Variants in COL4A5 observed in about 807,000 individuals in gnomAD.
COL4A5 encodes the protein collagen alpha-5(IV) chain.
In COL4A5, 26 loss-of-function variants were observed where a neutral mutation model predicts 130.2. The observed-to-expected ratio is 0.20, with a 90% CI of 0.15 to 0.28. The LOEUF is 0.28. Ranked by LOEUF, COL4A5 falls within the 10% of genes least tolerant of loss-of-function variation. COL4A5 has a pLI of 1.00. For missense variants in COL4A5, 1,131 were observed against 1,344.3 expected (o/e 0.84, Z 2.48); for synonymous variants, 496 against 439.6 (o/e 1.13, Z -1.60).
intron 36 of COL4A5, among the ~76,000 whole-genome samples, chrX:108,645,700 A>T (rs1371566837): frequency 9.3e-6 from 1 of 107,575 alleles, no homozygotes; most frequent in East Asian, 2.9e-4. Context: ...ATTTAGCATT[A>T]GGTATATCTC....
intron 52 of COL4A5, 112 bp from the exon 53 acceptor site, chrX:108,696,185 C>T (rs1306579989): frequency 1.6e-6 from 1 of 614,029 alleles, no homozygotes; most frequent in Non-Finnish European, 2.8e-6. Flanking sequence ...ACCATTAAGT[C>T]ACCAAGAGAG....
chrX:108,482,290 C>T (rs1476031457), intron 1 of COL4A5, among the ~76,000 whole-genome samples: 1 of 111,470 alleles, frequency 9.0e-6, no homozygotes, highest in Non-Finnish European at 1.9e-5. Flanking sequence ...CTCTAGTGGC[C>T]GCTGGGACTT....
intron 1 of COL4A5, among the ~76,000 whole-genome samples, chrX:108,469,995 A>G (rs1238375914): frequency 8.9e-6 from 1 of 112,389 alleles, no homozygotes; most frequent in Non-Finnish European, 1.9e-5. Context: ...GTAGTGTTCC[A>G]TGGTGTATAT....
Position 108,466,878 on chromosome X carries a change from C to T in COL4A5, c.81+26672C>T, listed in dbSNP as rs753719520. Among the ~76,000 whole-genome samples the T allele has an allele frequency of 6.3e-5, 7 of 111,089 alleles. No individual in the cohort carries two copies. The East Asian group carries it at 1.7e-3, about 27-fold the overall frequency. On this transcript the variant is annotated intron_variant, in intron 1 of 52. Transcript: ENST00000328300. ...TTCCAGCCCTATTTTCAAGTTGGGC[C>T]GTTTATCTTTTTGTTGTTGAATTGT... is the stretch of plus-strand genomic sequence containing the variant.
chrX:108,637,581 A>T (rs975438697), intron 36 of COL4A5, among the ~76,000 whole-genome samples: 2 of 111,830 alleles, frequency 1.8e-5, no homozygotes, highest in African/African-American at 6.5e-5. Flanking sequence ...GAGAAGACTC[A>T]ACTAAAATCA....
chrX:108,696,622 C>CTACTAAAGAA lies in COL4A5; in HGVS notation c.*244_*245insTACTAAAGAA, dbSNP rs1415727679. 50 of 239,595 alleles carry CTACTAAAGAA rather than the reference C, an allele frequency of 2.1e-4. No homozygotes were observed. The highest frequency in any genetic ancestry group is 1.3e-3 in the Middle Eastern group (1 of 755). 19.7% of individuals were successfully genotyped at this position (239,595 alleles called of 1,213,427 possible). A position where few individuals can be genotyped will look rare whatever the true frequency, so the allele number is the denominator to read the frequency against. ...AGGAAGTGAATTTACTTTTTGGGTC[C>CTACTAAAGAA]AGAATGACTTTCTCCAAGAATTATA... On this transcript the variant is annotated 3_prime_UTR_variant, in exon 53 of 53. Coordinates refer to ENST00000328300, the MANE Select transcript of COL4A5 (RefSeq NM_033380.3).
chrX:108,481,456 G>A (rs765891701), intron 1 of COL4A5, among the ~76,000 whole-genome samples: 5 of 111,658 alleles, frequency 4.5e-5, no homozygotes, highest in African/African-American at 3.3e-5. Context: ...GCGATTCTCT[G>A]TTTTTATAAT....
At chrX:108,665,220 A>G (rs2068051912) in intron 37 of COL4A5, among the ~76,000 whole-genome samples, 1 of 112,051 alleles carries the variant, frequency 8.9e-6, no homozygotes, top group Non-Finnish European at 1.9e-5. Context: ...AGAGGAATGG[A>G]TTTTTTAAGT....
chrX:108,451,553 G>A (rs1445735246), intron 1 of COL4A5, among the ~76,000 whole-genome samples: 1 of 110,881 alleles, frequency 9.0e-6, no homozygotes, highest in Admixed American at 9.6e-5. Flanking sequence ...GGTGTGAGAT[G>A]GTATCTCATT....
chrX:108,604,993 A>C (rs981951087), intron 28 of COL4A5, among the ~76,000 whole-genome samples: 1 of 112,286 alleles, frequency 8.9e-6, no homozygotes, highest in African/African-American at 3.2e-5. Flanking sequence ...TTTTTGCTTA[A>C]GGGAATGTTA....
At chrX:108,511,883 A>G (rs1032282327) in intron 1 of COL4A5, among the ~76,000 whole-genome samples, 1 of 111,694 alleles carries the variant, frequency 9.0e-6, no homozygotes, top group Non-Finnish European at 1.9e-5. Flanking sequence ...GTTGCCTAGG[A>G]CTGGGTGGGG....
chrX:108,605,170 C>A (rs1232993978), intron 28 of COL4A5, among the ~76,000 whole-genome samples: 1 of 112,297 alleles, frequency 8.9e-6, no homozygotes. Context: ...TGCAAGAGAC[C>A]TAGCCTTCAA....
At chrX:108,530,916 T>C (rs1328728553) in intron 1 of COL4A5, among the ~76,000 whole-genome samples, 1 of 103,134 alleles carries the variant, frequency 9.7e-6, no homozygotes, top group African/African-American at 3.5e-5. Context: ...ACACGTATGT[T>C]TATTGTGGCA....
chrX:108,619,593 T>G (rs2066998697), intron 30 of COL4A5, among the ~76,000 whole-genome samples: 1 of 111,898 alleles, frequency 8.9e-6, no homozygotes, highest in Admixed American at 9.5e-5. Context: ...TGTAAAATCT[T>G]GGTTGGAGAA....
Position 108,473,633 on chromosome X carries a change from A to ATATATATTTTTTTT in COL4A5, c.81+33428_81+33429insATATATTTTTTTTT. On this transcript the variant is annotated intron_variant, in intron 1 of 52. Transcript: ENST00000328300. ...TATATGTATATATATATATATATAT[A>ATATATATTTTTTTT]TTTTTTTTTTTTTGAGATGAAGTCT... Among the ~76,000 whole-genome samples the ATATATATTTTTTTT allele has an allele frequency of 4.6e-4, 16 of 34,562 alleles. 2 individuals are homozygous for ATATATATTTTTTTT. The highest frequency in any genetic ancestry group is 1.5e-3 in the African/African-American group (14 of 9,275). The allele number at this position is 34,562 out of a possible 115,157, so 30.0% of individuals were successfully genotyped here. A position where few individuals can be genotyped will look rare whatever the true frequency, so the allele number is the denominator to read the frequency against.
intron 24 of COL4A5, 61 bp from the exon 25 acceptor site, chrX:108,598,641 T>C: frequency 9.4e-7 from 1 of 1,062,548 alleles, no homozygotes; most frequent in Admixed American, 2.2e-5. Flanking sequence ...TTGTATTCAG[T>C]ACCAACCTAC....
intron 21 of COL4A5, among the ~76,000 whole-genome samples, chrX:108,593,565 T>C (rs1306140565): frequency 8.9e-6 from 1 of 111,828 alleles, no homozygotes; most frequent in Non-Finnish European, 1.9e-5. Flanking sequence ...TTTCACGTTT[T>C]GATCTTTCTT....
At chrX:108,674,680 T>C in intron 42 of COL4A5, 65 bp from the exon 43 acceptor site, 1 of 1,073,424 alleles carries the variant, frequency 9.3e-7, no homozygotes, top group Non-Finnish European at 1.3e-6. Context: ...TCTTATTTTG[T>C]ACTGTGTGAT....
At chrX:108,683,355 T>A (rs2068475894) in intron 47 of COL4A5, among the ~76,000 whole-genome samples, 1 of 111,871 alleles carries the variant, frequency 8.9e-6, no homozygotes, top group South Asian at 3.7e-4. Flanking sequence ...TTTTTGCTTA[T>A]GATTGTCTTG....
Sources: gnomAD v4.1 joint callset for allele counts (sites outside exome capture counted in the v4.1 genomes callset) on GRCh38, gnomAD v4.1.1 for gene constraint, MANE v1.5 for transcripts, NCBI Gene and HGNC (gene_info 2026-07-23, HGNC 2026-07-21) for gene names.